Variants in LYST observed in about 807,000 individuals in gnomAD.
LYST encodes the protein lysosomal-trafficking regulator.
Under a neutral mutation model 413.6 loss-of-function variants are expected in LYST, and 192 were observed. That is an observed-to-expected ratio of 0.46 (90% CI 0.41 to 0.52). LYST has a LOEUF of 0.52. Ranked by LOEUF, LYST falls within the 20% of genes least tolerant of loss-of-function variation. The pLI is 0.00. For missense variants in LYST, 3,815 were observed against 4,499.9 expected, an observed-to-expected ratio of 0.85 and a Z score of 4.35; for synonymous variants, 1,525 against 1,567.3, an observed-to-expected ratio of 0.97 and a Z score of 0.64.
chr1:235,805,111 G>A (rs1238308456), intron 6 of LYST, among the ~76,000 whole-genome samples: 2 of 152,240 alleles, frequency 1.3e-5, no homozygotes, highest in African/African-American at 2.4e-5. Context: ...AGTGAGGACA[G>A]AAGAGGTCTG....
intron 50 of LYST, among the ~76,000 whole-genome samples, chr1:235,668,543 C>G (rs1180464764): frequency 1.3e-5 from 2 of 152,194 alleles, no homozygotes; most frequent in African/African-American, 4.8e-5. Flanking sequence ...CCTGAATACC[C>G]TACTAGTGAG....
chr1:235,812,897 A>G (rs1673611266), intron 4 of LYST, 74 bp downstream of exon 4: 1 of 864,038 alleles, frequency 1.2e-6, no homozygotes, highest in East Asian at 2.5e-5. Context: ...AATCAGAATC[A>G]AACATTCAGG....
chr1:235,830,663 G>C (rs1675875461), intron 2 of LYST, among the ~76,000 whole-genome samples: 2 of 152,012 alleles, frequency 1.3e-5, no homozygotes, highest in South Asian at 4.2e-4. Context: ...GCTGAGAATA[G>C]GTAAGTAACA....
At chr1:235,691,699 C>CTTTTTTT (rs1161712139) in intron 47 of LYST, among the ~76,000 whole-genome samples, 1 of 141,992 alleles carries the variant, frequency 7.0e-6, no homozygotes, top group African/African-American at 2.6e-5. Flanking sequence ...CAGATTCTCT[C>CTTTTTTT]TTTTTTTTTT....
At chr1:235,668,785 A>G (rs1313087383) in intron 50 of LYST, among the ~76,000 whole-genome samples, 1 of 152,230 alleles carries the variant, frequency 6.6e-6, no homozygotes, top group Non-Finnish European at 1.5e-5. Context: ...ACACACTAAA[A>G]GCTGCTAATG....
Position 235,677,504 on chromosome 1 carries a change from G to T in LYST, c.10916C>A (p.Thr3639Asn). Reference sequence around the variant, plus strand: ...CCTGTTTAAATCCCATATGATGCAGGTTCCGTCTCTGCTCACACTTATCAG... The same window carrying T: ...CCTGTTTAAATCCCATATGATGCAGTTTCCGTCTCTGCTCACACTTATCAG... ...SILISVSRDG[T>N]CIIWDLNRLC... Residue 3639 changes from threonine to asparagine, a missense_variant, in exon 49 of 53, where the codon ACC becomes AAC. Physicochemically the swap from Thr to Asn is moderately conservative, Grantham distance 65 (BLOSUM62 0). Around this residue, in one of 4 missense-constraint regions of LYST, gnomAD observed 866 missense variants for 1,156.0 expected, o/e 0.75. Transcript: ENST00000389793. 1 of 1,613,700 alleles carries T rather than the reference G, an allele frequency of 6.2e-7. No homozygotes were observed. The highest frequency in any genetic ancestry group is 1.1e-5 in the South Asian group (1 of 91,074).
chr1:235,749,718 A>G (rs1666287978), intron 28 of LYST, among the ~76,000 whole-genome samples: 1 of 152,248 alleles, frequency 6.6e-6, no homozygotes, highest in Non-Finnish European at 1.5e-5. Flanking sequence ...GAAGTCAGAA[A>G]AAAGGACAGC....
At chr1:235,863,718 C>T (rs1680171774) in intron 1 of LYST, among the ~76,000 whole-genome samples, 2 of 152,076 alleles carry the variant, frequency 1.3e-5, no homozygotes, top group African/African-American at 4.8e-5. Context: ...GAAATCAAAG[C>T]TGGCAGTTTA....
chr1:235,834,529 T>C (rs1000915498), intron 1 of LYST, among the ~76,000 whole-genome samples: 5 of 152,174 alleles, frequency 3.3e-5, no homozygotes, highest in Admixed American at 1.3e-4. Flanking sequence ...TGAGCCACTG[T>C]ACCTGGCCCA....
chr1:235,751,225 G>A lies in LYST; in HGVS notation c.7765C>T (p.Arg2589Trp), dbSNP rs778308584. ...SAPHHAVVQKRKSIAGPRKFP... is the reference protein window; with the variant it reads ...SAPHHAVVQKWKSIAGPRKFP... ...CAATACTCGCCAGCAATGCTTTTCC[G>A]CTTTTGAACTACTGCATGATGGGGA... is the stretch of plus-strand genomic sequence containing the variant. The change falls in exon 28 of 53, where the codon CGG becomes TGG. Residue 2589 changes from arginine to tryptophan, a missense_variant. By Grantham distance (101) the Arg-to-Trp change is moderately radical (BLOSUM62 -3). Transcript: ENST00000389793. The A allele has an allele frequency of 1.4e-5, 22 of 1,613,458 alleles. No homozygotes were observed. The highest frequency in any genetic ancestry group is 1.6e-4 in the Middle Eastern group (1 of 6,078).
intron 1 of LYST, among the ~76,000 whole-genome samples, chr1:235,875,813 G>A (rs536614284): frequency 6.6e-6 from 1 of 152,266 alleles, no homozygotes; most frequent in Admixed American, 6.5e-5. Flanking sequence ...AAGCCTGGGT[G>A]ACAGAGCGAG....
chr1:235,867,941 GT>G (rs1680723941), upstream of LYST, among the ~76,000 whole-genome samples: 1 of 152,158 alleles, frequency 6.6e-6, no homozygotes. Flanking sequence ...AGGATATTAT[GT>G]CCCAAGCCTA....
chr1:235,872,436 A>G (rs1288660324), intron 1 of LYST, among the ~76,000 whole-genome samples: 1 of 152,232 alleles, frequency 6.6e-6, no homozygotes, highest in Non-Finnish European at 1.5e-5. Flanking sequence ...GTGATTGGAC[A>G]AAAGAGTTTG....
At chr1:235,680,954 C>T (rs1049098695) in intron 48 of LYST, among the ~76,000 whole-genome samples, 2 of 152,130 alleles carry the variant, frequency 1.3e-5, no homozygotes, top group African/African-American at 4.8e-5. Flanking sequence ...GCAACCCATA[C>T]ATTTATTCAT....
At chr1:235,869,582 A>G (rs1680841492), upstream of LYST, among the ~76,000 whole-genome samples, 1 of 152,250 alleles carries the variant, frequency 6.6e-6, no homozygotes, top group Admixed American at 6.5e-5. Flanking sequence ...TATAATCTTC[A>G]ATGAGATTGT....
intron 3 of LYST, among the ~76,000 whole-genome samples, chr1:235,820,294 A>G (rs185036760): frequency 6.6e-6 from 1 of 152,318 alleles, no homozygotes; most frequent in East Asian, 1.9e-4. Flanking sequence ...GGGTTCAAGG[A>G]CTTCTGGATG....
intron 10 of LYST, among the ~76,000 whole-genome samples, chr1:235,798,578 T>TAAAA (rs71174462): frequency 1.7e-4 from 14 of 81,706 alleles, no homozygotes; most frequent in South Asian, 1.1e-3. Flanking sequence ...AACCCTGTCA[T>TAAAA]AAAAAAAAAA....
In LYST at chr1:235,746,415, A is replaced by G; in HGVS notation, c.7893T>C (p.Pro2631=). 6.2e-7 allele frequency: 1 copy of G among 1,613,938 alleles called. No individual in the cohort carries two copies. The highest frequency in any genetic ancestry group is 8.5e-7 in the Non-Finnish European group (1 of 1,179,900). ...MMQRRMSQEN[P]SQATETELAQ... is the part of the protein sequence containing the mutation. Reference sequence around the variant, plus strand: ...CAAGTTCCGTTTCAGTTGCTTGGCTAGGGTTCTCTTGGCTCATTCTCCGTT... The same window carrying G: ...CAAGTTCCGTTTCAGTTGCTTGGCTGGGGTTCTCTTGGCTCATTCTCCGTT... Residue 2631 remains proline (P), a synonymous_variant, in exon 29 of 53, where the codon CCT becomes CCC. Coordinates refer to ENST00000389793, the MANE Select transcript of LYST (RefSeq NM_000081.4).
rs1029233842 is a variant in LYST at position 235,674,311 on chromosome 1, T to C, written c.11038+2780A>G. Among the ~76,000 whole-genome samples the C allele has an allele frequency of 6.6e-6, 1 of 151,980 alleles. No individual in the cohort carries two copies. The highest frequency in any genetic ancestry group is 2.4e-5 in the African/African-American group (1 of 41,356). On this transcript the variant is annotated intron_variant, in intron 50 of 52. Transcript: ENST00000389793. The surrounding 1 kb of genome is among the most constrained non-coding windows in gnomAD (Gnocchi z 4.1). ...TGTAGTGGACCACTATTAAGTACTC[T>C]GCCAAGCAAGTGGAGTGGCATTTGC...
Sources: gnomAD v4.1 joint callset for allele counts (sites outside exome capture counted in the v4.1 genomes callset) on GRCh38, gnomAD v4.1.1 for gene constraint, gnomAD v4.1.1 regional missense constraint, Gnocchi (gnomAD v3.1) non-coding constraint, MANE v1.5 for transcripts, NCBI Gene and HGNC (gene_info 2026-07-23, HGNC 2026-07-21) for gene names.